BTG4: variants seen among roughly 807,000 people sequenced by gnomAD.
BTG4 encodes BTG anti-proliferation factor 4.
A neutral mutation model predicts 19.3 loss-of-function variants in BTG4; 10 were observed. The observed-to-expected ratio is 0.52, with a 90% CI of 0.32 to 0.88. The LOEUF is 0.88. BTG4 is among the 40% of genes least tolerant of loss of function. The pLI is 0.04. For synonymous variants in BTG4, 91 were observed against 95.7 expected, an observed-to-expected ratio of 0.95 and a Z score of 0.29; for missense variants, 238 against 281.9, an observed-to-expected ratio of 0.84 and a Z score of 1.11.
At chr11:111,426,073 C>T in the BTG4 span, among the ~76,000 whole-genome samples, 5 of 152,086 alleles carry the variant, frequency 3.3e-5, no homozygotes, top group Non-Finnish European at 7.4e-5. Flanking sequence ...GCTCTAGTGC[C>T]TAGGTGATTT....
the BTG4 span, chr11:111,385,488 T>C: frequency 4.6e-5 from 7 of 152,124 alleles, 1 homozygote; most frequent in Non-Finnish European, 1.0e-4. Flanking sequence ...GGCCATCTAA[T>C]TTGTGAACAT....
intron 1 of BTG4, among the ~76,000 whole-genome samples, chr11:111,501,792 CTATTA>C (rs1866100281): frequency 6.6e-6 from 1 of 152,110 alleles, no homozygotes; most frequent in African/African-American, 2.4e-5. Flanking sequence ...GTACATACAA[CTATTA>C]TATATCAATT....
At chr11:111,431,538 A>C in the BTG4 span, among the ~76,000 whole-genome samples, 2 of 152,186 alleles carry the variant, frequency 1.3e-5, no homozygotes, top group African/African-American at 4.8e-5. Flanking sequence ...AATACCTCCC[A>C]CCTAAGTTCA....
the BTG4 span, among the ~76,000 whole-genome samples, chr11:111,427,324 G>A: frequency 6.6e-6 from 1 of 152,128 alleles, no homozygotes; most frequent in Non-Finnish European, 1.5e-5. Flanking sequence ...GGACCCTTTG[G>A]TAGAGGCCTA....
the BTG4 span, among the ~76,000 whole-genome samples, chr11:111,436,045 A>G: frequency 6.6e-6 from 1 of 152,352 alleles, no homozygotes; most frequent in African/African-American, 2.4e-5. Flanking sequence ...TTTGCAAAGT[A>G]CTTTTGAAAG....
chr11:111,502,015 T>G (rs1451737963), intron 1 of BTG4, among the ~76,000 whole-genome samples: 2 of 152,346 alleles, frequency 1.3e-5, no homozygotes, highest in East Asian at 3.9e-4. Flanking sequence ...TTGTTTCAGC[T>G]GTCCATGATG....
At chr11:111,468,376 G>A (rs1319810946) in intron 5 of BTG4, among the ~76,000 whole-genome samples, 2 of 152,194 alleles carry the variant, frequency 1.3e-5, no homozygotes, top group Non-Finnish European at 2.9e-5. Flanking sequence ...ACAACACTAT[G>A]GGGTACTTTT....
chr11:111,504,694 C>T (rs1407657876), intron 1 of BTG4, among the ~76,000 whole-genome samples: 1 of 151,944 alleles, frequency 6.6e-6, no homozygotes, highest in Admixed American at 6.6e-5. Context: ...TGTTCACTGA[C>T]AATATGATTG....
chr11:111,401,294 G>GGC, the BTG4 span, among the ~76,000 whole-genome samples: 3 of 151,650 alleles, frequency 2.0e-5, no homozygotes, highest in Non-Finnish European at 2.9e-5. Flanking sequence ...AGACCATCCT[G>GGC]TGAATGGTGA....
the BTG4 span, among the ~76,000 whole-genome samples, chr11:111,442,863 T>TA: frequency 6.6e-6 from 1 of 152,228 alleles, no homozygotes; most frequent in African/African-American, 2.4e-5. Context: ...TCGATTAACT[T>TA]ACGTTAATTT....
chr11:111,445,285 A>G, the BTG4 span, among the ~76,000 whole-genome samples: 435 of 152,334 alleles, frequency 2.9e-3, 4 homozygotes, highest in South Asian at 7.3e-3. Context: ...CAGTTAATGC[A>G]GTCTGGGAGT....
chr11:111,454,920 C>G, the BTG4 span: 2 of 444,674 alleles, frequency 4.5e-6, no homozygotes, highest in East Asian at 1.4e-4. Context: ...TGGGTGGCTC[C>G]GGGAACAGAG....
At chr11:111,509,386 T>C (rs571156432) in intron 1 of BTG4, among the ~76,000 whole-genome samples, 1 of 152,274 alleles carries the variant, frequency 6.6e-6, no homozygotes, top group Non-Finnish European at 1.5e-5. Context: ...TGAGTAAATA[T>C]GCATTTAAAA....
chr11:111,456,764 C>T, the BTG4 span: 1 of 308,222 alleles, frequency 3.2e-6, no homozygotes, highest in East Asian at 7.9e-5. This position sits in a 1 kb window ranked among gnomAD's most constrained non-coding sequence, Gnocchi z 4.2. Flanking sequence ...CACTGACTAT[C>T]CCCAACTCAG....
the BTG4 span, among the ~76,000 whole-genome samples, chr11:111,407,454 T>G: frequency 6.6e-6 from 1 of 152,164 alleles, no homozygotes; most frequent in Non-Finnish European, 1.5e-5. Context: ...GTGGATCACC[T>G]GAGGTCAGGA....
At position 111,498,627 on chromosome 11, in the gene BTG4, GCAAT is replaced by G. The variant is rs1204730097; in HGVS notation, c.146_149del (p.Asp49AlafsTer13). On this transcript the variant is annotated frameshift_variant, in exon 2 of 5. Coordinates refer to ENST00000692032, the MANE Select transcript of BTG4 (RefSeq NM_001367975.1). LOFTEE classifies it high-confidence loss of function. ...ACCTGAAGGCTTGCCCTTTAGAAGG[GCAAT>G]CAGAGTGCCAGTGACTTCTGTATGT... The G allele has an allele frequency of 1.9e-6, 3 of 1,613,168 alleles. No homozygotes were observed. The highest frequency in any genetic ancestry group is 1.3e-5 in the African/African-American group (1 of 74,896).
At chr11:111,447,733 T>G in the BTG4 span, among the ~76,000 whole-genome samples, 2 of 152,112 alleles carry the variant, frequency 1.3e-5, no homozygotes, top group South Asian at 4.1e-4. Flanking sequence ...ACACTTAAGT[T>G]GTCTGGGCCA....
chr11:111,399,556 G>T, the BTG4 span, among the ~76,000 whole-genome samples: 87,523 of 151,878 alleles, frequency 0.58, 26,948 homozygotes, highest in Admixed American at 0.7. Flanking sequence ...GGGGAAGGGG[G>T]CAATGTTTTT....
chr11:111,432,983 T>C, the BTG4 span, among the ~76,000 whole-genome samples: 2 of 152,108 alleles, frequency 1.3e-5, no homozygotes, highest in Non-Finnish European at 2.9e-5. Context: ...TAAGCCACCA[T>C]GCCTGGCCTC....
Sources: gnomAD v4.1 joint callset for allele counts (sites outside exome capture counted in the v4.1 genomes callset) on GRCh38, gnomAD v4.1.1 for gene constraint, Gnocchi (gnomAD v3.1) non-coding constraint, MANE v1.5 for transcripts, NCBI Gene and HGNC (gene_info 2026-07-23, HGNC 2026-07-21) for gene names.